Variants in HDGFL2 observed in about 807,000 individuals in gnomAD.
The protein encoded by HDGFL2 is hepatoma-derived growth factor-related protein 2.
In HDGFL2, 36 loss-of-function variants were observed where a neutral mutation model predicts 77.1. The observed-to-expected ratio is 0.47, with a 90% confidence interval of 0.36 to 0.62. The LOEUF (loss-of-function observed/expected upper bound fraction) is 0.62, where lower values mean the gene tolerates loss of function less well. Ranked by LOEUF, HDGFL2 falls within the 20% of genes least tolerant of loss-of-function variation. HDGFL2 has a pLI of 0.00. For synonymous variants in HDGFL2, 463 were observed against 413.1 expected (o/e 1.12, Z -1.46); for missense variants, 976 against 973.4 (o/e 1.00, Z -0.04).
In HDGFL2 at chr19:4,475,479, G is replaced by A. The variant is rs754523230; in HGVS notation, c.184G>A (p.Asp62Asn). ...GGGACCCAAGGACCTGTTCCCCTAC[G>A]ACAAATGTAAAGACAAGTACGGGAA... ...FLGPKDLFPY[D>N]KCKDKYGKPN... is the part of the protein sequence containing the mutation. The change falls in exon 3 of 16, where the codon GAC becomes AAC. Residue 62 changes from aspartate (D) to asparagine (N), a missense_variant. Physicochemically the swap from Asp to Asn is conservative, Grantham distance 23. Around this residue, in one of 5 missense-constraint regions of HDGFL2, gnomAD observed 103 missense variants for 145.7 expected, o/e 0.71. Coordinates refer to ENST00000616600, the MANE Select transcript of HDGFL2 (RefSeq NM_001001520.3). The A allele has an allele frequency of 5.0e-6, 8 of 1,611,276 alleles. No homozygotes were observed. In the South Asian group the frequency reaches 6.6e-5, roughly 13 times the overall value.
chr19:4,498,460 G>A (rs894221679), intron 12 of HDGFL2, 84 bp downstream of exon 12: 14 of 1,116,574 alleles, frequency 1.3e-5, no homozygotes, highest in African/African-American at 3.1e-5. Context: ...GGAAACTGAG[G>A]CAAAGCCGGG....
intron 3 of HDGFL2, among the ~76,000 whole-genome samples, chr19:4,486,739 G>T (rs1299731445): frequency 6.6e-6 from 1 of 151,912 alleles, no homozygotes; most frequent in African/African-American, 2.4e-5. Flanking sequence ...GCCACCCACG[G>T]CCTAACTCTT....
rs553600246 is a variant in HDGFL2 at position 4,493,878 on chromosome 19, T to G, written c.838+16T>G. The G allele has an allele frequency of 6.6e-7, 1 of 1,505,210 alleles. No homozygotes were observed. The highest frequency in any genetic ancestry group is 1.3e-5 in the South Asian group (1 of 78,310). The allele number at this position is 1,505,210 out of a possible 1,614,324, so 93.2% of individuals were successfully genotyped here. On this transcript the variant is annotated intron_variant, in intron 7 of 15. Transcript: ENST00000616600. ...AGGAAGCCAGGTAGGGCCCTCGTGC[T>G]CGCACATCTCTTGGCCTGGCCCCTG... is the stretch of plus-strand genomic sequence containing the variant.
Position 4,498,801 on chromosome 19 carries a change from C to G in HDGFL2, c.1474-13C>G, listed in dbSNP as rs758579471. On this transcript the variant is annotated splice_polypyrimidine_tract_variant and intron_variant, in intron 12 of 15. Coordinates refer to ENST00000616600, the MANE Select transcript of HDGFL2 (RefSeq NM_001001520.3). ...GGCCAGGCCGTCTCCCTCACTCCCACCCCACCCTGCAGGACGTGAAGAGGT... is the reference window on the plus strand; with the variant it reads ...GGCCAGGCCGTCTCCCTCACTCCCAGCCCACCCTGCAGGACGTGAAGAGGT... The G allele has an allele frequency of 1.3e-6, 2 of 1,587,886 alleles. No homozygotes were observed. Among genetic ancestry groups the G allele is most frequent in the Non-Finnish European group, 1.7e-6 (2 of 1,163,236 alleles).
At position 4,489,367 on chromosome 19, in the gene HDGFL2, C is replaced by A. The variant is rs550904149; in HGVS notation, c.489+491C>A. Among the ~76,000 whole-genome samples, 18 of 152,014 alleles carry A rather than the reference C, an allele frequency of 1.2e-4. No homozygotes were observed. The East Asian group carries it at 3.5e-3, about 29-fold the overall frequency. ...CACTGGGTTCCAGCAATTATCCTGC[C>A]TGAGCCTCCCCAGTAGCTGGGATTA... On this transcript the variant is annotated intron_variant, in intron 4 of 15. Coordinates refer to ENST00000616600, the MANE Select transcript of HDGFL2 (RefSeq NM_001001520.3).
At position 4,491,808 on chromosome 19, in the gene HDGFL2, G is replaced by C. The variant is rs777803071; in HGVS notation, c.651G>C (p.Arg217Ser). The change falls in exon 6 of 16, where the codon AGG (arginine) becomes AGC (serine). Residue 217 changes from arginine (R) to serine (S), a missense_variant. By Grantham distance (110) the Arg-to-Ser change is moderately radical. Around this residue, in one of 5 missense-constraint regions of HDGFL2, gnomAD observed 567 missense variants for 534.7 expected, o/e 1.06. Transcript: ENST00000616600. ...EKKAAVRAPR[R>S]GPLGGRKKKK... ...AAGCAGCGGTCCGGGCGCCACGGAG[G>C]GGCCCTCTGGGGGGACGGAAAAAAA... The C allele has an allele frequency of 6.2e-7, 1 of 1,614,010 alleles. No individual in the cohort carries two copies. The highest frequency in any genetic ancestry group is 1.7e-5 in the Admixed American group (1 of 60,012).
At chr19:4,489,823 C>T (rs915955327) in intron 4 of HDGFL2, among the ~76,000 whole-genome samples, 3 of 152,180 alleles carry the variant, frequency 2.0e-5, no homozygotes, top group Non-Finnish European at 2.9e-5. Flanking sequence ...AGTGTGTTCA[C>T]GGAATTGTGC....
Position 4,499,719 on chromosome 19 carries a change from G to A in HDGFL2, c.1789+15G>A. 2 of 1,529,884 alleles carry A rather than the reference G, an allele frequency of 1.3e-6. No homozygotes were observed. The highest frequency in any genetic ancestry group is 1.2e-5 in the South Asian group (1 of 83,902). 94.8% of individuals were successfully genotyped at this position (1,529,884 alleles called of 1,614,324 possible). Reference sequence around the variant, plus strand: ...GCCCAGCACCGGTGAGGGGCGGGTGGGGTGGGCCCTGTACCTCAGTCTCCT... The same window carrying A: ...GCCCAGCACCGGTGAGGGGCGGGTGAGGTGGGCCCTGTACCTCAGTCTCCT... On this transcript the variant is annotated intron_variant, in intron 14 of 15. Coordinates refer to ENST00000616600, the MANE Select transcript of HDGFL2 (RefSeq NM_001001520.3).
intron 1 of HDGFL2, among the ~76,000 whole-genome samples, chr19:4,472,760 C>A (rs1407947435): frequency 6.9e-6 from 1 of 144,772 alleles, no homozygotes; most frequent in Non-Finnish European, 1.5e-5. Context: ...TTCTTGTGGT[C>A]TGGTGGTGTT....
Position 4,496,397 on chromosome 19 carries a change from A to G in HDGFL2, c.1320A>G (p.Gln440=), listed in dbSNP as rs376603189. ...AGAGAGTGCGGCCCGAGGAGAAGCA[A>G]CAAGCCAAGTGAGCCCTGCTCTGCC... The part of the protein sequence containing the change: ...KEKRVRPEEK[Q]QAKPVKVERT... The change falls in exon 10 of 16, where the codon CAA becomes CAG. Residue 440 remains glutamine, a synonymous_variant. Transcript: ENST00000616600. 12 of 1,613,458 alleles carry G rather than the reference A, an allele frequency of 7.4e-6. No homozygotes were observed. The highest frequency in any genetic ancestry group is 1.7e-5 in the Admixed American group (1 of 59,954).
At chr19:4,489,720 T>C (rs1190001955) in intron 4 of HDGFL2, among the ~76,000 whole-genome samples, 1 of 152,176 alleles carries the variant, frequency 6.6e-6, no homozygotes, top group Non-Finnish European at 1.5e-5. Flanking sequence ...TTCTTTAATA[T>C]AATTGTTTTT....
intron 14 of HDGFL2, among the ~76,000 whole-genome samples, chr19:4,500,294 C>G (rs913331867): frequency 2.0e-5 from 3 of 151,572 alleles, no homozygotes; most frequent in African/African-American, 7.3e-5. Context: ...TTTCTTTTTT[C>G]TTTTTTTTCT....
In HDGFL2 at chr19:4,497,988, G is replaced by A; in HGVS notation, c.1359G>A (p.Arg453=). 6.4e-7 allele frequency: 1 copy of A among 1,556,278 alleles called. No individual in the cohort carries two copies. Among genetic ancestry groups the A allele is most frequent in the Admixed American group, 1.9e-5 (1 of 51,376 alleles). The change falls in exon 11 of 16, where the codon CGG becomes CGA. Residue 453 remains arginine (R), a synonymous_variant. Coordinates refer to ENST00000616600, the MANE Select transcript of HDGFL2 (RefSeq NM_001001520.3). ...TGAAGGTGGAGCGGACCCGGAAGCGGTCCGAGGGCTTCTCGATGGACAGGA... is the reference window on the plus strand; with the variant it reads ...TGAAGGTGGAGCGGACCCGGAAGCGATCCGAGGGCTTCTCGATGGACAGGA... The part of the protein sequence containing the change: ...KPVKVERTRK[R]SEGFSMDRKV...
chr19:4,478,846 G>A (rs951267359), intron 3 of HDGFL2, among the ~76,000 whole-genome samples: 1 of 151,564 alleles, frequency 6.6e-6, no homozygotes, highest in Non-Finnish European at 1.5e-5. Flanking sequence ...CACCACGCCC[G>A]GCTAATTTTT....
chr19:4,491,203 G>A (rs1013436923), intron 4 of HDGFL2, among the ~76,000 whole-genome samples: 2 of 144,526 alleles, frequency 1.4e-5, no homozygotes, highest in Non-Finnish European at 3.0e-5. Context: ...GAACTTTCTC[G>A]TCTTCCCAAG....
intron 3 of HDGFL2, among the ~76,000 whole-genome samples, chr19:4,479,290 A>C (rs567298203): frequency 2.2e-4 from 33 of 151,618 alleles, no homozygotes; most frequent in African/African-American, 7.7e-4. Flanking sequence ...CTCTACAAAA[A>C]TACAAAAATT....
chr19:4,501,287 C>G lies in HDGFL2; in HGVS notation c.1886C>G (p.Pro629Arg). ...HEEGRDSEEG[P>R]RCGSSEDLHD... ...GAGGGTCGGGACTCGGAGGAGGGGC[C>G]AAGGTGTGGCTCCTCTGAAGACCTG... Residue 629 changes from proline to arginine, a missense_variant, in exon 15 of 16, where the codon CCA becomes CGA. This residue lies in a region of HDGFL2 where 229 missense variants were observed against 187.3 expected (regional missense o/e 1.22). Coordinates refer to ENST00000616600, the MANE Select transcript of HDGFL2 (RefSeq NM_001001520.3). 1 of 1,609,480 alleles carries G rather than the reference C, an allele frequency of 6.2e-7. No homozygotes were observed. The highest frequency in any genetic ancestry group is 8.5e-7 in the Non-Finnish European group (1 of 1,177,448).
chr19:4,478,713 A>C (rs1471778990), intron 3 of HDGFL2, among the ~76,000 whole-genome samples: 3 of 136,200 alleles, frequency 2.2e-5, no homozygotes, highest in African/African-American at 5.5e-5. Context: ...ACGGTGTCTC[A>C]CTCTCTCGCC....
chr19:4,478,442 T>C (rs1975129041), intron 3 of HDGFL2, among the ~76,000 whole-genome samples: 1 of 151,994 alleles, frequency 6.6e-6, no homozygotes, highest in African/African-American at 2.4e-5. Flanking sequence ...CCTCAGGTAA[T>C]CCGCCCACCT....
Sources: gnomAD v4.1 joint callset for allele counts (sites outside exome capture counted in the v4.1 genomes callset) on GRCh38, gnomAD v4.1.1 for gene constraint, gnomAD v4.1.1 regional missense constraint, MANE v1.5 for transcripts, NCBI Gene and HGNC (gene_info 2026-07-23, HGNC 2026-07-21) for gene names.